SLC25A21: variants seen among roughly 807,000 people sequenced by gnomAD.
The protein encoded by SLC25A21 is mitochondrial 2-oxodicarboxylate carrier.
In SLC25A21, 47 loss-of-function variants were observed where a neutral mutation model predicts 43.8. The ratio of observed to expected loss-of-function variants is 1.07; its 90% CI spans 0.85 to 1.37. The LOEUF is 1.37. Among genes scored for constraint, SLC25A21 ranks in the 40% most tolerant of loss-of-function variants. SLC25A21 has a pLI of 0.00. For missense variants in SLC25A21, 352 were observed against 350.2 expected (o/e 1.00, Z -0.04); for synonymous variants, 131 against 121.3 (o/e 1.08, Z -0.52).
At chr14:36,790,658 G>A (rs953730194) in intron 3 of SLC25A21, among the ~76,000 whole-genome samples, 4 of 152,036 alleles carry the variant, frequency 2.6e-5, no homozygotes, top group Admixed American at 1.3e-4. Context: ...ACACTTTTGA[G>A]GTATGAAAAT....
At chr14:36,734,619 A>G (rs1200318022) in intron 3 of SLC25A21, 46 bp from the exon 4 acceptor site, 2 of 1,437,022 alleles carry the variant, frequency 1.4e-6, no homozygotes, top group Admixed American at 1.9e-5. Flanking sequence ...AAATTAGGCA[A>G]CAAGTATTTC....
chr14:36,860,238 A>T (rs1890029524), intron 2 of SLC25A21, among the ~76,000 whole-genome samples: 1 of 152,148 alleles, frequency 6.6e-6, no homozygotes, highest in Non-Finnish European at 1.5e-5. Context: ...AAGGTCGAGA[A>T]GAAGCCAGTC....
Position 36,743,788 on chromosome 14 carries a change from T to C in SLC25A21, c.204-9215A>G, listed in dbSNP as rs571371108. 1.3e-4 allele frequency among the ~76,000 whole-genome samples: 20 copies of C among 152,236 alleles called. No individual in the cohort carries two copies. In the South Asian group the frequency reaches 3.5e-3, roughly 27 times the overall value. Reference sequence around the variant, plus strand: ...ATCTCTCACTGATAAAGTGATTTTATACCTAGAAACCACAAAATACTCCTA... The same window carrying C: ...ATCTCTCACTGATAAAGTGATTTTACACCTAGAAACCACAAAATACTCCTA... On this transcript the variant is annotated intron_variant, in intron 3 of 9. Transcript: ENST00000331299.
At chr14:37,070,196 C>G (rs1459295283) in intron 1 of SLC25A21, among the ~76,000 whole-genome samples, 1 of 152,132 alleles carries the variant, frequency 6.6e-6, no homozygotes, top group African/African-American at 2.4e-5. Context: ...TGCCCATTTA[C>G]CTTCTTTGAT....
At chr14:36,973,211 A>T (rs1294851107) in intron 1 of SLC25A21, among the ~76,000 whole-genome samples, 4 of 152,068 alleles carry the variant, frequency 2.6e-5, no homozygotes, top group Non-Finnish European at 5.9e-5. Flanking sequence ...CTGGCAGTGT[A>T]TGTAAGACAG....
chr14:36,863,906 G>A (rs1237755586), intron 2 of SLC25A21, among the ~76,000 whole-genome samples: 1 of 152,194 alleles, frequency 6.6e-6, no homozygotes, highest in Non-Finnish European at 1.5e-5. Flanking sequence ...AGATGCAGGG[G>A]CAAGACTTTC....
At chr14:36,992,541 G>A (rs1192797008) in intron 1 of SLC25A21, among the ~76,000 whole-genome samples, 1 of 152,104 alleles carries the variant, frequency 6.6e-6, no homozygotes, top group East Asian at 1.9e-4. Context: ...TATACTCTAG[G>A]TATGCTAAGG....
chr14:36,812,005 A>G (rs534295180), intron 3 of SLC25A21, among the ~76,000 whole-genome samples: 29 of 152,332 alleles, frequency 1.9e-4, no homozygotes, highest in African/African-American at 6.5e-4. Context: ...GACAAGTTGG[A>G]AAAATTGTTT....
At chr14:36,904,121 T>A (rs999760651) in intron 1 of SLC25A21, among the ~76,000 whole-genome samples, 1 of 152,152 alleles carries the variant, frequency 6.6e-6, no homozygotes, top group African/African-American at 2.4e-5. Context: ...CATTACATAA[T>A]TATAAGATCC....
rs147521533 is a variant in SLC25A21 at position 37,087,264 on chromosome 14, C to T, written c.70+85017G>A. 2.2e-3 allele frequency among the ~76,000 whole-genome samples: 331 copies of T among 152,262 alleles called. 1 individual carries two copies. The highest frequency in any genetic ancestry group is 7.3e-3 in the African/African-American group (302 of 41,538). On this transcript the variant is annotated intron_variant, in intron 1 of 9. Transcript: ENST00000331299. ...TGGACCAAATAAGGAGCCAATTAGT[C>T]GTATTTTCCATCATCTGAATAAAAT...
At chr14:37,145,466 C>CAT (rs1433376163) in intron 1 of SLC25A21, among the ~76,000 whole-genome samples, 3 of 65,132 alleles carry the variant, frequency 4.6e-5, no homozygotes, top group Non-Finnish European at 1.0e-4. Context: ...CACACACACA[C>CAT]ACACACACAC....
chr14:36,735,903 C>G (rs1885015383), intron 3 of SLC25A21, among the ~76,000 whole-genome samples: 1 of 124,504 alleles, frequency 8.0e-6, no homozygotes, highest in Admixed American at 8.6e-5. Flanking sequence ...TCAAATTATT[C>G]TCTGATATGG....
intron 1 of SLC25A21, among the ~76,000 whole-genome samples, chr14:37,156,800 AAGAG>A (rs1963858823): frequency 6.6e-6 from 1 of 152,198 alleles, no homozygotes; most frequent in Non-Finnish European, 1.5e-5. Context: ...ACTAGATCTA[AAGAG>A]AGAGATAGAC....
intron 1 of SLC25A21, among the ~76,000 whole-genome samples, chr14:37,154,888 C>T (rs796484083): frequency 2.6e-5 from 4 of 152,142 alleles, no homozygotes; most frequent in African/African-American, 4.8e-5. Flanking sequence ...GTGATCTACC[C>T]GCCTCAGCCT....
chr14:36,969,188 GAAAT>G (rs1216327150), intron 1 of SLC25A21, among the ~76,000 whole-genome samples: 41 of 152,100 alleles, frequency 2.7e-4, no homozygotes, highest in Non-Finnish European at 4.4e-5. Flanking sequence ...AAAAATTAAT[GAAAT>G]AAATAAATAT....
intron 1 of SLC25A21, among the ~76,000 whole-genome samples, chr14:37,133,864 T>A (rs569145920): frequency 6.6e-6 from 1 of 152,256 alleles, no homozygotes; most frequent in South Asian, 2.1e-4. Flanking sequence ...ACATAATTAT[T>A]TACTTCCTCA....
intron 2 of SLC25A21, among the ~76,000 whole-genome samples, chr14:36,853,764 G>C (rs1415285827): frequency 6.6e-6 from 1 of 152,194 alleles, no homozygotes; most frequent in African/African-American, 2.4e-5. Flanking sequence ...TGACCCCTGG[G>C]ACTTTCATCA....
intron 1 of SLC25A21, chr14:37,171,933 C>T (rs1964136808): frequency 6.3e-6 from 2 of 318,350 alleles, no homozygotes; most frequent in African/African-American, 4.3e-5. Context: ...TCAGACCGAA[C>T]TGGATCATTT....
chr14:37,098,314 G>A (rs952249401), intron 1 of SLC25A21: 8 of 152,184 alleles, frequency 5.3e-5, no homozygotes, highest in African/African-American at 1.9e-4. Context: ...AGACTTTGGA[G>A]ACAGACAGAT....
Sources: gnomAD v4.1 joint callset for allele counts (sites outside exome capture counted in the v4.1 genomes callset) on GRCh38, gnomAD v4.1.1 for gene constraint, MANE v1.5 for transcripts, NCBI Gene and HGNC (gene_info 2026-07-23, HGNC 2026-07-21) for gene names.